RPS6KC1: variants seen among roughly 807,000 people sequenced by gnomAD.
The protein encoded by RPS6KC1 is inactive ribosomal protein S6 kinase delta-1.
A neutral mutation model predicts 103.8 loss-of-function variants in RPS6KC1; 54 were observed. The ratio of observed to expected loss-of-function variants is 0.52; its 90% CI spans 0.42 to 0.65. The LOEUF (loss-of-function observed/expected upper bound fraction) is 0.65, where lower values mean the gene tolerates loss of function less well. Among genes scored for constraint, RPS6KC1 ranks in the 30% least tolerant of loss-of-function variants. The probability of loss-of-function intolerance (pLI) is 0.00; values close to 1 mark genes in which losing one functional copy is unlikely to be tolerated. For synonymous variants in RPS6KC1, 439 were observed against 438.7 expected, an observed-to-expected ratio of 1.00 and a Z score of -0.01; for missense variants, 1,151 against 1,253.8, an observed-to-expected ratio of 0.92 and a Z score of 1.24.
the RPS6KC1 span, among the ~76,000 whole-genome samples, chr1:213,459,152 A>G: frequency 3.3e-5 from 5 of 151,894 alleles, no homozygotes; most frequent in Admixed American, 6.6e-5. Flanking sequence ...CTCTTTTTCT[A>G]TTGTTTGGAA....
the RPS6KC1 span, among the ~76,000 whole-genome samples, chr1:213,684,337 G>A: frequency 6.6e-6 from 1 of 152,136 alleles, no homozygotes; most frequent in Non-Finnish European, 1.5e-5. Flanking sequence ...GGCCCAGAGA[G>A]GCTCAATGAC....
At chr1:213,192,117 G>C (rs779054842) in intron 8 of RPS6KC1, among the ~76,000 whole-genome samples, 1 of 152,096 alleles carries the variant, frequency 6.6e-6, no homozygotes, top group Non-Finnish European at 1.5e-5. Context: ...GTTGAATTTT[G>C]TAAAATGCAT....
At chr1:213,473,553 G>C in the RPS6KC1 span, among the ~76,000 whole-genome samples, 2 of 152,208 alleles carry the variant, frequency 1.3e-5, no homozygotes, top group Non-Finnish European at 2.9e-5. Flanking sequence ...TCTTTATCTG[G>C]AGATGGGTAT....
At chr1:213,101,473 C>CAATAGCAGTACAAGAAATGCA (rs2082014801) in intron 3 of RPS6KC1, among the ~76,000 whole-genome samples, 1 of 152,098 alleles carries the variant, frequency 6.6e-6, no homozygotes, top group Non-Finnish European at 1.5e-5. Flanking sequence ...AACAATAAAT[C>CAATAGCAGTACAAGAAATGCA]AATAGCAGTA....
the RPS6KC1 span, among the ~76,000 whole-genome samples, chr1:213,659,805 C>A: frequency 6.6e-6 from 1 of 152,080 alleles, no homozygotes; most frequent in Non-Finnish European, 1.5e-5. Flanking sequence ...AAATAAATAT[C>A]TTTGGATCAA....
At chr1:213,409,503 G>C in the RPS6KC1 span, among the ~76,000 whole-genome samples, 1 of 152,130 alleles carries the variant, frequency 6.6e-6, no homozygotes, top group Non-Finnish European at 1.5e-5. Flanking sequence ...AAAAACATGA[G>C]GCAGGTTCAG....
chr1:213,191,798 T>C (rs1382558363), intron 8 of RPS6KC1, among the ~76,000 whole-genome samples: 1 of 152,028 alleles, frequency 6.6e-6, no homozygotes, highest in Non-Finnish European at 1.5e-5. Flanking sequence ...GTTTTTATTA[T>C]GTTGAGGTAA....
chr1:213,724,372 G>A, the RPS6KC1 span, among the ~76,000 whole-genome samples: 5 of 152,148 alleles, frequency 3.3e-5, no homozygotes, highest in African/African-American at 4.8e-5. Context: ...GAGCCACTGC[G>A]CCCAGCCTTT....
intron 14 of RPS6KC1, among the ~76,000 whole-genome samples, chr1:213,268,546 T>G (rs898078817): frequency 6.8e-6 from 1 of 148,026 alleles, no homozygotes; most frequent in East Asian, 1.9e-4. Flanking sequence ...TATATTTTAT[T>G]TATATATAAT....
chr1:213,458,304 T>C, the RPS6KC1 span, among the ~76,000 whole-genome samples: 1 of 152,214 alleles, frequency 6.6e-6, no homozygotes, highest in South Asian at 2.1e-4. Context: ...TCCAGCTGCA[T>C]CCATGTTGCT....
chr1:213,143,058 GT>G (rs2087268839), intron 6 of RPS6KC1, among the ~76,000 whole-genome samples: 1 of 151,930 alleles, frequency 6.6e-6, no homozygotes, highest in Non-Finnish European at 1.5e-5. Context: ...CTTTACTACC[GT>G]TGTGTAGTTT....
chr1:213,417,077 C>T, the RPS6KC1 span, among the ~76,000 whole-genome samples: 1 of 152,160 alleles, frequency 6.6e-6, no homozygotes, highest in Non-Finnish European at 1.5e-5. Flanking sequence ...TTCCCACCAC[C>T]CCAGGGATGG....
At chr1:213,253,294 G>A (rs1046066613) in intron 12 of RPS6KC1, among the ~76,000 whole-genome samples, 1 of 152,150 alleles carries the variant, frequency 6.6e-6, no homozygotes, top group Non-Finnish European at 1.5e-5. Context: ...TGCTCCTTTA[G>A]TGGAAAAACC....
the RPS6KC1 span, chr1:213,839,749 C>T: frequency 2.6e-5 from 4 of 152,046 alleles, no homozygotes; most frequent in African/African-American, 4.8e-5. Context: ...GCCTGTGTGA[C>T]GTTGGGCTAG....
chr1:213,565,201 G>A, the RPS6KC1 span, among the ~76,000 whole-genome samples: 2 of 149,190 alleles, frequency 1.3e-5, no homozygotes, highest in Admixed American at 1.3e-4. Context: ...CAAATTTGGA[G>A]AAAGGGATCA....
chr1:213,311,179 C>T, the RPS6KC1 span, among the ~76,000 whole-genome samples: 1 of 150,782 alleles, frequency 6.6e-6, no homozygotes, highest in Non-Finnish European at 1.5e-5. Flanking sequence ...CGCTCTGTTG[C>T]CCAGGCTGGA....
At chr1:213,113,383 G>A (rs1231889750) in intron 4 of RPS6KC1, among the ~76,000 whole-genome samples, 1 of 152,070 alleles carries the variant, frequency 6.6e-6, no homozygotes, top group African/African-American at 2.4e-5. Context: ...GTCTGTTCTT[G>A]TCCTTCGCCC....
chr1:213,317,813 G>A, the RPS6KC1 span, among the ~76,000 whole-genome samples: 3 of 152,196 alleles, frequency 2.0e-5, no homozygotes, highest in Admixed American at 6.5e-5. Context: ...AGCATCTACC[G>A]GGGGATTGAG....
At chr1:213,514,296 T>C in the RPS6KC1 span, among the ~76,000 whole-genome samples, 1 of 152,080 alleles carries the variant, frequency 6.6e-6, no homozygotes, top group Non-Finnish European at 1.5e-5. Flanking sequence ...TTGTTACATA[T>C]GTATACATGT....
Sources: gnomAD v4.1 joint callset for allele counts (sites outside exome capture counted in the v4.1 genomes callset) on GRCh38, gnomAD v4.1.1 for gene constraint, MANE v1.5 for transcripts, NCBI Gene and HGNC (gene_info 2026-07-23, HGNC 2026-07-21) for gene names.